Variants in MSH4 observed in about 807,000 individuals in gnomAD.
MSH4 encodes the protein mutS protein homolog 4.
A neutral mutation model predicts 113.7 loss-of-function variants in MSH4; 106 were observed. That is an observed-to-expected ratio of 0.93 (90% CI 0.80 to 1.10). The LOEUF (loss-of-function observed/expected upper bound fraction) is 1.10. MSH4 is among the 50% of genes least tolerant of loss of function. The probability of loss-of-function intolerance (pLI) is 0.00; values close to 1 mark genes in which losing one functional copy is unlikely to be tolerated. For missense variants in MSH4, 1,061 were observed against 1,093.7 expected, an observed-to-expected ratio of 0.97 and a Z score of 0.42; for synonymous variants, 368 against 380.2, an observed-to-expected ratio of 0.97 and a Z score of 0.37.
chr1:75,871,178 T>C (rs556917765), intron 9 of MSH4, among the ~76,000 whole-genome samples: 1 of 152,188 alleles, frequency 6.6e-6, no homozygotes, highest in African/African-American at 2.4e-5. Flanking sequence ...GGAGGAACTA[T>C]CACACACTTA....
At chr1:75,837,986 C>T (rs553850938) in intron 7 of MSH4, among the ~76,000 whole-genome samples, 16 of 152,228 alleles carry the variant, frequency 1.1e-4, no homozygotes, top group Admixed American at 8.5e-4. Context: ...TACATTGTTG[C>T]CTGAGTGATC....
intron 7 of MSH4, among the ~76,000 whole-genome samples, chr1:75,827,175 G>C (rs376762805): frequency 6.6e-6 from 1 of 152,146 alleles, no homozygotes; most frequent in South Asian, 2.1e-4. Flanking sequence ...AGAGAGTGGG[G>C]GCCAATATTC....
chr1:75,912,732 A>G lies in MSH4; in HGVS notation c.2656A>G (p.Arg886Gly). 1 of 1,563,252 alleles carries G rather than the reference A, an allele frequency of 6.4e-7. No homozygotes were observed. Among genetic ancestry groups the G allele is most frequent in the Non-Finnish European group, 8.6e-7 (1 of 1,159,554 alleles). ...QRSTPEMERQ[R>G]AVYHLATRLV... is the part of the protein sequence containing the mutation. The stretch of plus-strand genomic sequence containing the variant: ...GAGTACCCCTGAGATGGAAAGACAG[A>G]GAGCTGTGTACCATCTAGCCACTAG... Residue 886 changes from arginine (R) to glycine (G), a missense_variant, in exon 20 of 20, where the codon AGA (arginine) becomes GGA (glycine). Transcript: ENST00000263187.
intron 6 of MSH4, among the ~76,000 whole-genome samples, chr1:75,816,811 G>A (rs538438934): frequency 9.0e-4 from 137 of 152,118 alleles, no homozygotes; most frequent in Admixed American, 1.8e-3. Flanking sequence ...ATTTTTAATA[G>A]AGACAGGGTT....
At chr1:75,824,544 C>T (rs978746628) in intron 7 of MSH4, among the ~76,000 whole-genome samples, 1 of 152,132 alleles carries the variant, frequency 6.6e-6, no homozygotes, top group African/African-American at 2.4e-5. Context: ...GAAGTCTTTG[C>T]CTATGCCTAT....
chr1:75,797,107 G>A lies in MSH4; in HGVS notation c.122G>A (p.Ser41Asn), dbSNP rs762343911. 73 of 1,613,902 alleles carry A rather than the reference G, an allele frequency of 4.5e-5. No individual in the cohort carries two copies. The highest frequency in any genetic ancestry group is 6.1e-5 in the Non-Finnish European group (72 of 1,179,924). The change falls in exon 1 of 20, where the codon AGC (serine) becomes AAC (asparagine). Residue 41 changes from serine to asparagine, a missense_variant. Physicochemically the swap from Ser to Asn is conservative, Grantham distance 46 (BLOSUM62 1). Transcript: ENST00000263187. Reference protein sequence around the residue: ...YNFGLQETPQSRPSVQVVSAS... With the variant: ...YNFGLQETPQNRPSVQVVSAS... ...TTCGGACTCCAGGAGACTCCACAGA[G>A]CCGCCCTTCGGTCCAGGTGGTCTCT...
At chr1:75,898,619 A>G (rs1652436844) in intron 18 of MSH4, among the ~76,000 whole-genome samples, 1 of 151,760 alleles carries the variant, frequency 6.6e-6, no homozygotes, top group Non-Finnish European at 1.5e-5. Flanking sequence ...CCCAAGCTCA[A>G]GTGATTCTTC....
chr1:75,858,284 C>G (rs997545610), intron 8 of MSH4, among the ~76,000 whole-genome samples: 2 of 152,288 alleles, frequency 1.3e-5, no homozygotes, highest in East Asian at 3.9e-4. Context: ...TTGCCCTGGC[C>G]AGAACTTCCA....
chr1:75,813,544 T>C (rs569423969), intron 4 of MSH4, among the ~76,000 whole-genome samples: 1 of 152,216 alleles, frequency 6.6e-6, no homozygotes, highest in Non-Finnish European at 1.5e-5. Context: ...AAAATTGATA[T>C]TTTATATAGG....
At chr1:75,868,797 C>G (rs779176347) in intron 9 of MSH4, among the ~76,000 whole-genome samples, 1 of 152,182 alleles carries the variant, frequency 6.6e-6, no homozygotes, top group Non-Finnish European at 1.5e-5. Flanking sequence ...TAACTTTGCT[C>G]CTGATTTACC....
intron 15 of MSH4, among the ~76,000 whole-genome samples, chr1:75,885,059 G>GTGTGTATATATATATATATATA (rs1300289205): frequency 2.3e-4 from 26 of 112,540 alleles, no homozygotes; most frequent in African/African-American, 1.1e-3. Flanking sequence ...GTGTGTGTGT[G>GTGTGTATATATATATATATATA]TATATATATA....
intron 9 of MSH4, among the ~76,000 whole-genome samples, chr1:75,870,518 G>A (rs1478406471): frequency 6.6e-6 from 1 of 152,166 alleles, no homozygotes; most frequent in African/African-American, 2.4e-5. Flanking sequence ...GGCAGGGCCA[G>A]GTGGAGGTAA....
chr1:75,839,071 A>C (rs1030027129), intron 7 of MSH4, among the ~76,000 whole-genome samples: 1 of 152,202 alleles, frequency 6.6e-6, no homozygotes, highest in African/African-American at 2.4e-5. Flanking sequence ...TCCCAAGACA[A>C]TACTGTTTGT....
intron 8 of MSH4, among the ~76,000 whole-genome samples, chr1:75,853,048 T>C (rs1651223681): frequency 6.9e-6 from 1 of 145,974 alleles, no homozygotes; most frequent in Non-Finnish European, 1.5e-5. Context: ...AATTAGTAAC[T>C]ATTTTTCTTT....
intron 7 of MSH4, among the ~76,000 whole-genome samples, chr1:75,834,927 A>G (rs1324012287): frequency 1.3e-5 from 2 of 152,262 alleles, no homozygotes; most frequent in Non-Finnish European, 2.9e-5. Flanking sequence ...TATAATAATA[A>G]TAACAAATGA....
chr1:75,853,363 C>T (rs1651236560), intron 8 of MSH4, among the ~76,000 whole-genome samples: 1 of 152,120 alleles, frequency 6.6e-6, no homozygotes. Flanking sequence ...CCACACCTGG[C>T]CTGATTTTTT....
At chr1:75,878,108 A>C in intron 10 of MSH4, 41 bp from the exon 11 acceptor site, 1 of 1,369,164 alleles carries the variant, frequency 7.3e-7, no homozygotes, top group Non-Finnish European at 9.9e-7. Flanking sequence ...TAACTCTTTG[A>C]CTTATTGCCT....
At chr1:75,843,880 C>T (rs560909434) in intron 7 of MSH4, among the ~76,000 whole-genome samples, 13 of 151,876 alleles carry the variant, frequency 8.6e-5, no homozygotes, top group African/African-American at 2.2e-4. Flanking sequence ...GGAGTGATCT[C>T]GGCTCACTGT....
At position 75,886,746 on chromosome 1, in the gene MSH4, A is replaced by T. The variant is rs2100579327; in HGVS notation, c.2108-2505A>T. Among the ~76,000 whole-genome samples, 3 of 139,580 alleles carry T rather than the reference A, an allele frequency of 2.1e-5. No homozygotes were observed. In the South Asian group the frequency reaches 6.4e-4, roughly 30 times the overall value. 91.6% of individuals were successfully genotyped at this position (139,580 alleles called of 152,430 possible). A position where few individuals can be genotyped will look rare whatever the true frequency, so the allele number is the denominator to read the frequency against. On this transcript the variant is annotated intron_variant, in intron 15 of 19. Coordinates refer to ENST00000263187, the MANE Select transcript of MSH4 (RefSeq NM_002440.4). ...TATACATTATATATAAATATATTAT[A>T]TACATTATATATAAAATATGTATAT...
Sources: allele counts gnomAD v4.1 joint callset (sites outside exome capture counted in the v4.1 genomes callset), GRCh38; gene constraint gnomAD v4.1.1; transcripts MANE v1.5; gene names NCBI Gene and HGNC (gene_info 2026-07-23, HGNC 2026-07-21).